Variants in SART1 observed in about 807,000 individuals in gnomAD.
SART1 encodes U4/U6.U5 tri-snRNP-associated protein 1.
Under a neutral mutation model 105.0 loss-of-function variants are expected in SART1, and 28 were observed. That is an observed-to-expected ratio of 0.27 (90% CI 0.20 to 0.37). The LOEUF (loss-of-function observed/expected upper bound fraction) is 0.37, where lower values mean the gene tolerates loss of function less well. Ranked by LOEUF, SART1 falls within the 10% of genes least tolerant of loss-of-function variation. The pLI is 1.00. For missense variants in SART1, 894 were observed against 1,106.5 expected (o/e 0.81, Z 2.72); for synonymous variants, 472 against 462.9 (o/e 1.02, Z -0.25).
intron 12 of SART1, 93 bp downstream of exon 12, chr11:65,967,914 G>A (rs1855294990): frequency 3.9e-6 from 4 of 1,038,424 alleles, no homozygotes; most frequent in Admixed American, 7.2e-5. Context: ...CCTGTCTGAA[G>A]CCTCTTTTCC....
In SART1 at chr11:65,965,330, T is replaced by C. The variant is rs749615394; in HGVS notation, c.555-12T>C. Reference sequence around the variant, plus strand: ...GCTGGGCTCCTTGAGCATCACTTTTTCCCCTCTTCAGGAAGATAAAGACCC... The same window carrying C: ...GCTGGGCTCCTTGAGCATCACTTTTCCCCCTCTTCAGGAAGATAAAGACCC... On this transcript the variant is annotated splice_polypyrimidine_tract_variant and intron_variant, in intron 4 of 19. Transcript: ENST00000312397. 30 of 1,592,360 alleles carry C rather than the reference T, an allele frequency of 1.9e-5. No homozygotes were observed. Among genetic ancestry groups the C allele is most frequent in the Non-Finnish European group, 2.4e-5 (28 of 1,169,554 alleles).
At chr11:65,964,038 T>C (rs569561364) in intron 1 of SART1, 36 bp from the exon 2 acceptor site, 52 of 1,602,366 alleles carry the variant, frequency 3.2e-5, no homozygotes, top group Non-Finnish European at 4.2e-5. Flanking sequence ...CTTGGCCCTG[T>C]GTTCAGCTCC....
At position 65,966,446 on chromosome 11, in the gene SART1, C is replaced by T. The variant is rs1565313454; in HGVS notation, c.1078C>T (p.Leu360=). The T allele has an allele frequency of 8.1e-6, 13 of 1,613,320 alleles. No homozygotes were observed. Among genetic ancestry groups the T allele is most frequent in the Non-Finnish European group, 1.1e-5 (13 of 1,179,860 alleles). The change falls in exon 9 of 20, where the codon CTG becomes TTG. Residue 360 remains leucine, a synonymous_variant. Coordinates refer to ENST00000312397, the MANE Select transcript of SART1 (RefSeq NM_005146.5). ...RLEQGGTADG[L]RERELEEIRA... is the part of the protein sequence containing the mutation. ...GGAGCAGGGCGGCACGGCTGATGGC[C>T]TGCGGGAGCGGGAGCTGGAGGAGAT...
At chr11:65,973,470 C>T (rs1404996417) in intron 12 of SART1, among the ~76,000 whole-genome samples, 1 of 152,214 alleles carries the variant, frequency 6.6e-6, no homozygotes, top group Non-Finnish European at 1.5e-5. Flanking sequence ...AACAGTGAGG[C>T]ACCTGCCACC....
intron 12 of SART1, among the ~76,000 whole-genome samples, chr11:65,974,394 A>G (rs1343359181): frequency 3.0e-5 from 4 of 133,066 alleles, no homozygotes; most frequent in Admixed American, 7.5e-5. Context: ...AAAAAAAACC[A>G]TATCAGCCGG....
chr11:65,963,673 G>C (rs1359328487), intron 1 of SART1, among the ~76,000 whole-genome samples: 1 of 152,124 alleles, frequency 6.6e-6, no homozygotes, highest in Non-Finnish European at 1.5e-5. Flanking sequence ...GTAGAGACGG[G>C]GTTTCACCAT....
rs752838323 is a variant in SART1, at chr11:65,976,353, C to A, written c.1573-42C>A. On this transcript the variant is annotated intron_variant, in intron 12 of 19. Transcript: ENST00000312397. The surrounding 1 kb of genome is among the most constrained non-coding windows in gnomAD (Gnocchi z 5.1). ...GTTCCTGGGTCTCAATGGCATCACC[C>A]CAGAAACTGCTGGGTTTGCCCACAG... 2 of 1,480,680 alleles carry A rather than the reference C, an allele frequency of 1.4e-6. No homozygotes were observed. Among genetic ancestry groups the A allele is most frequent in the African/African-American group, 1.4e-5 (1 of 70,650 alleles). 91.7% of individuals were successfully genotyped at this position (1,480,680 alleles called of 1,614,324 possible).
In SART1 at chr11:65,977,576, C is replaced by G; in HGVS notation, c.1959C>G (p.Thr653=). The change falls in exon 16 of 20, where the codon ACC becomes ACG. Residue 653 remains threonine, a synonymous_variant. Coordinates refer to ENST00000312397, the MANE Select transcript of SART1 (RefSeq NM_005146.5). ...LLCQNKGLLE[T]TVQKVARVKA... is the part of the protein sequence containing the mutation. ...CTCCATCCCTAGGGCTGCTGGAGAC[C>G]ACAGTGCAGAAGGTGGCCCGGGTGA... is the stretch of plus-strand genomic sequence containing the variant. 6.2e-7 allele frequency: 1 copy of G among 1,613,960 alleles called. No homozygotes were observed. The highest frequency in any genetic ancestry group is 8.5e-7 in the Non-Finnish European group (1 of 1,179,950).
rs34227638 is a variant in SART1, at chr11:65,965,079, GC to G, written c.428-7del. 6.4e-7 allele frequency: 1 copy of G among 1,566,592 alleles called. No individual in the cohort carries two copies. The highest frequency in any genetic ancestry group is 8.6e-7 in the Non-Finnish European group (1 of 1,161,182). On this transcript the variant is annotated splice_polypyrimidine_tract_variant and intron_variant, in intron 3 of 19. Transcript: ENST00000312397. ...TGGGCGGGCATAGCCTCACGTCTGG[GC>G]CCCCCTTCCAGAGGCGGGCACCAAG...
In SART1 at chr11:65,966,328, A is replaced by C. The variant is rs770994883; in HGVS notation, c.982-22A>C. 1.6e-5 allele frequency: 26 copies of C among 1,613,844 alleles called. No homozygotes were observed. In the African/African-American group the frequency reaches 2.9e-4, roughly 18 times the overall value. ...TTTTCAGGAGCCAGCCTGGGTCCCAACCTGTACCTCTTGCCTTGCAGCAAA... is the reference window on the plus strand; with the variant it reads ...TTTTCAGGAGCCAGCCTGGGTCCCACCCTGTACCTCTTGCCTTGCAGCAAA... On this transcript the variant is annotated intron_variant, in intron 8 of 19. Coordinates refer to ENST00000312397, the MANE Select transcript of SART1 (RefSeq NM_005146.5).
intron 1 of SART1, 174 bp from the exon 2 acceptor site, chr11:65,963,900 C>T: frequency 1.6e-6 from 1 of 623,802 alleles, no homozygotes; most frequent in Non-Finnish European, 2.8e-6. Flanking sequence ...TGAGACTGGA[C>T]TCGGGCAGAG....
At position 65,977,895 on chromosome 11, in the gene SART1, A is replaced by T; in HGVS notation, c.2168A>T (p.Lys723Met). The T allele has an allele frequency of 1.9e-6, 3 of 1,609,844 alleles. No homozygotes were observed. Among genetic ancestry groups the T allele is most frequent in the Non-Finnish European group, 2.5e-6 (3 of 1,178,540 alleles). Residue 723 changes from lysine (K) to methionine (M), a missense_variant, in exon 17 of 20, where the codon AAG (lysine) becomes ATG (methionine). Coordinates refer to ENST00000312397, the MANE Select transcript of SART1 (RefSeq NM_005146.5). ...VDETGRKLTP[K>M]EAFRQLSHRF... ...GAGACGGGCCGGAAACTCACACCCA[A>T]GGAGGTGAGCAGGGCCTTTTGCAGG...
In SART1 at chr11:65,965,974, C is replaced by G. The variant is rs1331557588; in HGVS notation, c.826C>G (p.Leu276Val). Residue 276 changes from leucine to valine, a missense_variant, in exon 7 of 20, where the codon CTC becomes GTC. Coordinates refer to ENST00000312397, the MANE Select transcript of SART1 (RefSeq NM_005146.5). The stretch of plus-strand genomic sequence containing the variant: ...AGAAGGGGAGACAATGATTCTTACC[C>G]TCAAGGACAAAGGTAATGCGAGCTG... ...FREGETMILT[L>V]KDKGVLQEEE... 6.2e-7 allele frequency: 1 copy of G among 1,614,110 alleles called. No homozygotes were observed. The highest frequency in any genetic ancestry group is 2.2e-5 in the East Asian group (1 of 44,888).
rs1479162634 is a variant in SART1 at position 65,966,063 on chromosome 11, G to C, written c.839-13G>C. ...GACAAGTGTGAATGGCCACTGCTCT[G>C]TGCTGCCCCCAGGCGTGCTGCAGGA... On this transcript the variant is annotated splice_polypyrimidine_tract_variant and intron_variant, in intron 7 of 19. Coordinates refer to ENST00000312397, the MANE Select transcript of SART1 (RefSeq NM_005146.5). 1 of 1,613,908 alleles carries C rather than the reference G, an allele frequency of 6.2e-7. No individual in the cohort carries two copies. Among genetic ancestry groups the C allele is most frequent in the Non-Finnish European group, 8.5e-7 (1 of 1,179,948 alleles).
At chr11:65,968,302 AG>A (rs760467496) in intron 12 of SART1, among the ~76,000 whole-genome samples, 15 of 152,120 alleles carry the variant, frequency 9.9e-5, no homozygotes, top group Non-Finnish European at 2.1e-4. Context: ...CTGCTTTAGT[AG>A]GGGATCCTTT....
intron 16 of SART1, 30 bp from the exon 17 acceptor site, chr11:65,977,734 C>CA (rs1855512078): frequency 6.2e-7 from 1 of 1,613,986 alleles, no homozygotes; most frequent in African/African-American, 1.3e-5. Flanking sequence ...GGCAGCTCCT[C>CA]ACACTAAGGC....
chr11:65,978,490 C>T lies in SART1; in HGVS notation c.2173-110C>T. 1 of 1,048,590 alleles carries T rather than the reference C, an allele frequency of 9.5e-7. No homozygotes were observed. The highest frequency in any genetic ancestry group is 1.4e-6 in the Non-Finnish European group (1 of 699,980). 65.0% of individuals were successfully genotyped at this position (1,048,590 alleles called of 1,614,324 possible). On this transcript the variant is annotated intron_variant, in intron 17 of 19. Transcript: ENST00000312397. The surrounding 1 kb of genome is among the most constrained non-coding windows in gnomAD (Gnocchi z 6.8). The stretch of plus-strand genomic sequence containing the variant: ...ATCCCCTTCCCACTGCACCCCAGGC[C>T]TGGCATTGGGGTCAATCAACACCCG...
At position 65,977,109 on chromosome 11, in the gene SART1, G is replaced by A. The variant is rs988139258; in HGVS notation, c.1945+8G>A. On this transcript the variant is annotated splice_region_variant and intron_variant, in intron 15 of 19. Coordinates refer to ENST00000312397, the MANE Select transcript of SART1 (RefSeq NM_005146.5). ...TCCTGTGTCAGAACAAAGGTAGGGA[G>A]CTCAGGGCAGCCATGACTTGGGTGG... The A allele has an allele frequency of 3.7e-6, 6 of 1,609,456 alleles. No homozygotes were observed. Among genetic ancestry groups the A allele is most frequent in the African/African-American group, 1.3e-5 (1 of 74,976 alleles).
Position 65,962,046 on chromosome 11 carries a change from C to G in SART1, c.266C>G (p.Ser89Cys). 1 of 1,471,606 alleles carries G rather than the reference C, an allele frequency of 6.8e-7. No individual in the cohort carries two copies. Among genetic ancestry groups the G allele is most frequent in the African/African-American group, 1.5e-5 (1 of 67,428 alleles). The allele number at this position is 1,471,606 out of a possible 1,614,324, so 91.2% of individuals were successfully genotyped here. Residue 89 changes from serine to cysteine, a missense_variant, in exon 1 of 20, where the codon TCC becomes TGC. Physicochemically the swap from Ser to Cys is moderately radical, Grantham distance 112. Around this residue, in one of 2 missense-constraint regions of SART1, gnomAD observed 712 missense variants for 778.2 expected, o/e 0.91. Transcript: ENST00000312397. ...CGGGAGCGCAGCCAGGCAGAGCCCT[C>G]CGAGCGGCGCGTGAAGCGGGAGAAG... Reference protein sequence around the residue: ...HGRERSQAEPSERRVKREKRD... With the variant: ...HGRERSQAEPCERRVKREKRD...
Sources: gnomAD v4.1 joint callset for allele counts (sites outside exome capture counted in the v4.1 genomes callset) on GRCh38, gnomAD v4.1.1 for gene constraint, gnomAD v4.1.1 regional missense constraint, Gnocchi (gnomAD v3.1) non-coding constraint, MANE v1.5 for transcripts, NCBI Gene and HGNC (gene_info 2026-07-23, HGNC 2026-07-21) for gene names.